The following ROBO1 variants were observed in gnomAD, a reference collection of about 807,000 sequenced individuals.
ROBO1 encodes the protein roundabout homolog 1.
In ROBO1, 149 loss-of-function variants were observed where a neutral mutation model predicts 195.9. The ratio of observed to expected loss-of-function variants is 0.76; its 90% confidence interval spans 0.67 to 0.87. ROBO1 has a LOEUF of 0.87. Among genes scored for constraint, ROBO1 ranks in the 40% least tolerant of loss-of-function variants. The probability of loss-of-function intolerance (pLI) is 0.00; values close to 1 mark genes in which losing one functional copy is unlikely to be tolerated. For missense variants in ROBO1, 1,933 were observed against 2,068.3 expected, an observed-to-expected ratio of 0.93 and a Z score of 1.27; for synonymous variants, 816 against 733.2, an observed-to-expected ratio of 1.11 and a Z score of -1.82.
chr3:79,114,436 TG>T (rs2079952250), intron 3 of ROBO1, among the ~76,000 whole-genome samples: 1 of 152,206 alleles, frequency 6.6e-6, no homozygotes, highest in Admixed American at 6.5e-5. Context: ...ATATTCACTA[TG>T]TTACCTAAGA....
chr3:78,804,252 C>A (rs2084461070), intron 4 of ROBO1, among the ~76,000 whole-genome samples: 1 of 152,052 alleles, frequency 6.6e-6, no homozygotes, highest in African/African-American at 2.4e-5. Context: ...TTACTATTAA[C>A]TCCGTTCCAA....
chr3:78,984,970 G>A (rs925474541), intron 3 of ROBO1, among the ~76,000 whole-genome samples: 1 of 152,058 alleles, frequency 6.6e-6, no homozygotes. Context: ...GTGAAGATGA[G>A]GATGAAGACT....
intron 2 of ROBO1, among the ~76,000 whole-genome samples, chr3:79,441,033 C>A (rs1221345026): frequency 6.6e-6 from 1 of 152,046 alleles, no homozygotes; most frequent in Non-Finnish European, 1.5e-5. Flanking sequence ...TCAAATTTAA[C>A]TAGTCATGCT....
At chr3:79,039,841 T>C (rs950286798) in intron 3 of ROBO1, among the ~76,000 whole-genome samples, 22 of 141,276 alleles carry the variant, frequency 1.6e-4, no homozygotes, top group Non-Finnish European at 3.3e-4. Context: ...TTAAGGACAA[T>C]GTGATCTTAG....
chr3:78,959,263 A>G (rs867459192), intron 3 of ROBO1, among the ~76,000 whole-genome samples: 1 of 148,144 alleles, frequency 6.8e-6, no homozygotes. Flanking sequence ...TTAAAAACAA[A>G]GTTTACTGAA....
intron 1 of ROBO1, among the ~76,000 whole-genome samples, chr3:79,616,823 T>C (rs1255828576): frequency 6.6e-6 from 1 of 152,118 alleles, no homozygotes; most frequent in Non-Finnish European, 1.5e-5. Flanking sequence ...ACCGAAATTG[T>C]GTCTGCCTGT....
intron 1 of ROBO1, among the ~76,000 whole-genome samples, chr3:79,729,324 A>C (rs2107343640): frequency 6.6e-6 from 1 of 152,278 alleles, no homozygotes; most frequent in African/African-American, 2.4e-5. Context: ...GGCTGAGGGA[A>C]AGTTAGAGGT....
chr3:79,737,720 T>C (rs945728259), intron 1 of ROBO1, among the ~76,000 whole-genome samples: 1 of 151,922 alleles, frequency 6.6e-6, no homozygotes, highest in African/African-American at 2.4e-5. Flanking sequence ...AGAAAGTAAG[T>C]GATTCATAAA....
At chr3:79,660,873 G>T (rs535885974) in intron 1 of ROBO1, among the ~76,000 whole-genome samples, 3 of 152,162 alleles carry the variant, frequency 2.0e-5, no homozygotes, top group African/African-American at 7.2e-5. Flanking sequence ...ACCAGTTAAG[G>T]TCCTGGCTAA....
chr3:79,165,825 G>A (rs1354603048), intron 2 of ROBO1, among the ~76,000 whole-genome samples: 1 of 152,202 alleles, frequency 6.6e-6, no homozygotes. Context: ...GAGTTGCTGG[G>A]AAGATATTTT....
intron 4 of ROBO1, among the ~76,000 whole-genome samples, chr3:78,748,980 C>T (rs1338101187): frequency 6.6e-6 from 1 of 152,108 alleles, no homozygotes; most frequent in East Asian, 1.9e-4. Flanking sequence ...ACTCCAGCTA[C>T]TGTTACCACA....
intron 30 of ROBO1, 75 bp downstream of exon 30, chr3:78,600,038 C>T (rs755072759): frequency 8.6e-7 from 1 of 1,167,330 alleles, no homozygotes; most frequent in Non-Finnish European, 1.3e-6. Flanking sequence ...CATTTCTGTA[C>T]ACTGATGAAG....
intron 2 of ROBO1, among the ~76,000 whole-genome samples, chr3:79,531,241 CAATA>C (rs1050475713): frequency 2.0e-5 from 3 of 152,010 alleles, no homozygotes; most frequent in African/African-American, 7.2e-5. Context: ...AGTAGGTGCT[CAATA>C]AATATACTGA....
intron 29 of ROBO1, among the ~76,000 whole-genome samples, chr3:78,600,960 T>C (rs1485198501): frequency 6.6e-6 from 1 of 152,140 alleles, no homozygotes; most frequent in African/African-American, 2.4e-5. Flanking sequence ...CTTAGAAGCC[T>C]GCTATTGTTG....
intron 1 of ROBO1, among the ~76,000 whole-genome samples, chr3:79,765,508 G>A (rs1700952122): frequency 6.6e-6 from 1 of 152,134 alleles, no homozygotes; most frequent in South Asian, 2.1e-4. Flanking sequence ...AAAGTTACCA[G>A]TGCCTCCTCA....
intron 2 of ROBO1, among the ~76,000 whole-genome samples, chr3:79,472,610 C>T (rs879477066): frequency 1.2e-4 from 19 of 152,226 alleles, no homozygotes; most frequent in Non-Finnish European, 2.4e-4. Context: ...GAGAGAAAAG[C>T]TAAAATGCAA....
chr3:78,878,312 G>A lies in ROBO1; in HGVS notation c.499+60289C>T, dbSNP rs544089035. On this transcript the variant is annotated intron_variant, in intron 4 of 30. Transcript: ENST00000464233. The stretch of plus-strand genomic sequence containing the variant: ...TAATTTTAAAATACTGCAGCCAGGC[G>A]CAGTGGCTCACGCCTGTAATCCTAG... Among the ~76,000 whole-genome samples, 11 of 152,060 alleles carry A rather than the reference G, an allele frequency of 7.2e-5. No homozygotes were observed. In the South Asian group the frequency reaches 1.9e-3, roughly 26 times the overall value.
chr3:79,762,632 A>ACACACACAC (rs1553650940), intron 1 of ROBO1, among the ~76,000 whole-genome samples: 1 of 118,184 alleles, frequency 8.5e-6, no homozygotes, highest in African/African-American at 3.1e-5. Context: ...ACACACACAC[A>ACACACACAC]AAAGCCGAGA....
chr3:78,618,603 T>C (rs1013072345), intron 26 of ROBO1, among the ~76,000 whole-genome samples: 7 of 152,198 alleles, frequency 4.6e-5, no homozygotes, highest in Non-Finnish European at 7.3e-5. Flanking sequence ...TTAGATTTTA[T>C]TCTATTAAAA....
Sources: allele counts gnomAD v4.1 joint callset (sites outside exome capture counted in the v4.1 genomes callset), GRCh38; gene constraint gnomAD v4.1.1; transcripts MANE v1.5; gene names NCBI Gene and HGNC (gene_info 2026-07-23, HGNC 2026-07-21).